NELL1: variants seen among roughly 807,000 people sequenced by gnomAD.
NELL1 encodes the protein neural EGFL like 1.
A neutral mutation model predicts 107.4 loss-of-function variants in NELL1; 76 were observed. The observed-to-expected ratio is 0.71, with a 90% CI of 0.59 to 0.86. The LOEUF is 0.86. NELL1 is among the 40% of genes least tolerant of loss of function. The pLI is 0.00. For synonymous variants in NELL1, 353 were observed against 341.2 expected, an observed-to-expected ratio of 1.03 and a Z score of -0.38; for missense variants, 1,024 against 1,005.5, an observed-to-expected ratio of 1.02 and a Z score of -0.25.
At chr11:20,844,099 T>C (rs1218732335) in intron 3 of NELL1, among the ~76,000 whole-genome samples, 1 of 152,210 alleles carries the variant, frequency 6.6e-6, no homozygotes, top group Non-Finnish European at 1.5e-5. Flanking sequence ...AAGCAGGTGA[T>C]AGTGTCACTG....
At chr11:21,263,096 T>C (rs569584453) in intron 14 of NELL1, among the ~76,000 whole-genome samples, 1 of 151,996 alleles carries the variant, frequency 6.6e-6, no homozygotes, top group Non-Finnish European at 1.5e-5. Flanking sequence ...ATGAACATGG[T>C]GTCCTTTCAC....
chr11:21,309,828 A>G (rs1849709860), intron 14 of NELL1, among the ~76,000 whole-genome samples: 1 of 152,080 alleles, frequency 6.6e-6, no homozygotes, highest in Non-Finnish European at 1.5e-5. Flanking sequence ...AGAACAGTGC[A>G]GGAAAGACGC....
intron 2 of NELL1, among the ~76,000 whole-genome samples, chr11:20,754,282 T>TA (rs150271255): frequency 6.6e-6 from 1 of 152,308 alleles, no homozygotes; most frequent in African/African-American, 2.4e-5. Flanking sequence ...GTCTCAGAAA[T>TA]AAGACAGTTA....
At chr11:20,938,996 C>T (rs993870526) in intron 10 of NELL1, among the ~76,000 whole-genome samples, 8 of 150,998 alleles carry the variant, frequency 5.3e-5, no homozygotes, top group Non-Finnish European at 1.2e-4. Context: ...AGCAGCTGTG[C>T]ATTTCCAAAG....
chr11:20,975,902 ATG>A (rs1440859934), intron 12 of NELL1, among the ~76,000 whole-genome samples: 1 of 102,280 alleles, frequency 9.8e-6, no homozygotes, highest in Non-Finnish European at 1.9e-5. Flanking sequence ...ATATACATAT[ATG>A]TGTATTATAT....
At chr11:21,240,914 C>T (rs12805365) in intron 14 of NELL1, among the ~76,000 whole-genome samples, 34,701 of 151,866 alleles carry the variant, frequency 0.23, 4,060 homozygotes, top group South Asian at 0.3. Flanking sequence ...ATCAGATCAG[C>T]TTGTATCTCA....
intron 15 of NELL1, among the ~76,000 whole-genome samples, chr11:21,435,782 GTGTGTGTGTGTGTT>G (rs1040865053): frequency 1.3e-5 from 2 of 149,880 alleles, no homozygotes; most frequent in African/African-American, 5.0e-5. Flanking sequence ...TCTGTACTTT[GTGTGTGTGTGTGTT>G]TGTGTGTGTG....
chr11:21,449,060 T>C (rs1853515374), intron 15 of NELL1, among the ~76,000 whole-genome samples: 1 of 152,202 alleles, frequency 6.6e-6, no homozygotes, highest in Non-Finnish European at 1.5e-5. Flanking sequence ...ATTCCCTCTC[T>C]TGGGTACCCA....
chr11:21,055,234 A>T (rs1565035959), intron 12 of NELL1, among the ~76,000 whole-genome samples: 2 of 152,052 alleles, frequency 1.3e-5, no homozygotes, highest in Admixed American at 6.6e-5. Context: ...TGTTTTTATC[A>T]TCAGGTTATA....
intron 12 of NELL1, among the ~76,000 whole-genome samples, chr11:21,032,115 G>C (rs1032755849): frequency 4.0e-5 from 6 of 150,672 alleles, no homozygotes; most frequent in Non-Finnish European, 4.4e-5. Flanking sequence ...AAAACAATCC[G>C]TGTGGCTACC....
At chr11:21,388,509 C>CT (rs1433527838) in intron 15 of NELL1, among the ~76,000 whole-genome samples, 8 of 151,804 alleles carry the variant, frequency 5.3e-5, no homozygotes. Flanking sequence ...GTCACAGACA[C>CT]TTTCAAAGAC....
chr11:20,773,158 C>A (rs1033154052), intron 2 of NELL1, among the ~76,000 whole-genome samples: 4 of 152,196 alleles, frequency 2.6e-5, no homozygotes, highest in Non-Finnish European at 5.9e-5. Context: ...TCCTGCTGGG[C>A]CACCATAACC....
At chr11:21,157,720 G>T (rs1856274173) in intron 13 of NELL1, among the ~76,000 whole-genome samples, 1 of 152,164 alleles carries the variant, frequency 6.6e-6, no homozygotes, top group Non-Finnish European at 1.5e-5. Context: ...GAGTCAGGCT[G>T]CCAGGGTATA....
At chr11:21,565,030 G>A (rs1856937839) in intron 17 of NELL1, among the ~76,000 whole-genome samples, 1 of 151,950 alleles carries the variant, frequency 6.6e-6, no homozygotes, top group Non-Finnish European at 1.5e-5. Flanking sequence ...GAAGAAGCCA[G>A]GGAACAGTCT....
At chr11:20,736,356 C>T (rs530381458) in intron 2 of NELL1, among the ~76,000 whole-genome samples, 1 of 152,236 alleles carries the variant, frequency 6.6e-6, no homozygotes, top group South Asian at 2.1e-4. Context: ...ACAGGAAGCC[C>T]CTGGCCGAGC....
chr11:21,031,899 G>T (rs528183784), intron 12 of NELL1, among the ~76,000 whole-genome samples: 58 of 151,960 alleles, frequency 3.8e-4, no homozygotes, highest in Admixed American at 7.2e-4. Flanking sequence ...ACAAAAATTA[G>T]CTGAGCATTG....
chr11:21,473,284 C>T (rs905661029), intron 15 of NELL1, among the ~76,000 whole-genome samples: 2 of 151,904 alleles, frequency 1.3e-5, no homozygotes, highest in East Asian at 3.9e-4. Context: ...ATTTCCTCTA[C>T]AAGCCTCTGG....
intron 2 of NELL1, among the ~76,000 whole-genome samples, chr11:20,732,171 G>A (rs889575839): frequency 3.3e-5 from 5 of 151,946 alleles, no homozygotes; most frequent in Non-Finnish European, 7.4e-5. Context: ...GGAGGAATGG[G>A]TGATCTGATT....
At chr11:20,985,998 G>A (rs1477475662) in intron 12 of NELL1, among the ~76,000 whole-genome samples, 2 of 152,144 alleles carry the variant, frequency 1.3e-5, no homozygotes, top group Admixed American at 1.3e-4. Context: ...TCGCAATGAA[G>A]AAGTTAGAAT....
Sources: allele counts gnomAD v4.1 joint callset (sites outside exome capture counted in the v4.1 genomes callset), GRCh38; gene constraint gnomAD v4.1.1; transcripts MANE v1.5; gene names NCBI Gene and HGNC (gene_info 2026-07-23, HGNC 2026-07-21).